The following KCND2 variants were observed in gnomAD, a reference collection of about 807,000 sequenced individuals.
The protein encoded by KCND2 is potassium voltage-gated channel subfamily D member 2, also known as A-type voltage-gated potassium channel KCND2.
A neutral mutation model predicts 54.4 loss-of-function variants in KCND2; 16 were observed. That is an observed-to-expected ratio of 0.29 (90% CI 0.20 to 0.45). The LOEUF is 0.45. KCND2 is among the 20% of genes least tolerant of loss of function. The pLI is 1.00. For missense variants in KCND2, 486 were observed against 824.2 expected, an observed-to-expected ratio of 0.59 and a Z score of 5.02; for synonymous variants, 317 against 310.7, an observed-to-expected ratio of 1.02 and a Z score of -0.21.
intron 1 of KCND2, among the ~76,000 whole-genome samples, chr7:120,489,510 A>C (rs1802745369): frequency 6.6e-6 from 1 of 152,196 alleles, no homozygotes; most frequent in African/African-American, 2.4e-5. Context: ...ACTTTCACAG[A>C]AATCCTGTGT....
chr7:120,326,429 T>C (rs1440365731), intron 1 of KCND2, among the ~76,000 whole-genome samples: 3 of 152,104 alleles, frequency 2.0e-5, no homozygotes, highest in Non-Finnish European at 4.4e-5. Flanking sequence ...ATAATATTCA[T>C]AATAATCTAT....
chr7:120,291,321 CA>C, intron 1 of KCND2, among the ~76,000 whole-genome samples: 1 of 151,896 alleles, frequency 6.6e-6, no homozygotes, highest in East Asian at 1.9e-4. Flanking sequence ...TTGAGCTCCC[CA>C]AAAATCTGTG....
intron 1 of KCND2, among the ~76,000 whole-genome samples, chr7:120,321,948 G>A (rs1183323653): frequency 6.6e-6 from 1 of 152,056 alleles, no homozygotes; most frequent in African/African-American, 2.4e-5. Flanking sequence ...GCTCAGAGAA[G>A]ATGATGTTAA....
intron 1 of KCND2, among the ~76,000 whole-genome samples, chr7:120,600,857 A>C (rs188022245): frequency 6.6e-6 from 1 of 152,090 alleles, no homozygotes. Context: ...AACTCAATGA[A>C]TCAGTAAATC....
chr7:120,555,202 AT>A (rs1264715064), intron 1 of KCND2, among the ~76,000 whole-genome samples: 1 of 152,120 alleles, frequency 6.6e-6, no homozygotes, highest in Non-Finnish European at 1.5e-5. Flanking sequence ...ACCTAGATTA[AT>A]TTTTATAAAC....
intron 1 of KCND2, among the ~76,000 whole-genome samples, chr7:120,380,550 C>G (rs1474604647): frequency 6.6e-6 from 1 of 151,948 alleles, no homozygotes. Context: ...GCTTTTTAAA[C>G]CTAACTCATC....
At chr7:120,304,356 A>C (rs1003470447) in intron 1 of KCND2, among the ~76,000 whole-genome samples, 15 of 152,196 alleles carry the variant, frequency 9.9e-5, no homozygotes, top group African/African-American at 3.1e-4. Context: ...ATGGTTTCTG[A>C]GACAATTTTC....
intron 1 of KCND2, among the ~76,000 whole-genome samples, chr7:120,529,807 G>T (rs990960705): frequency 6.6e-6 from 1 of 152,120 alleles, no homozygotes; most frequent in Admixed American, 6.6e-5. Flanking sequence ...ATCAGGCCAG[G>T]CATGGTGTCT....
chr7:120,732,007 G>A (rs552243117), intron 1 of KCND2, among the ~76,000 whole-genome samples: 2 of 152,184 alleles, frequency 1.3e-5, no homozygotes, highest in African/African-American at 2.4e-5. Context: ...AGGCATCCAG[G>A]GGTAGAAATA....
At chr7:120,546,487 GAA>G (rs1246228498) in intron 1 of KCND2, among the ~76,000 whole-genome samples, 1 of 151,864 alleles carries the variant, frequency 6.6e-6, no homozygotes, top group Non-Finnish European at 1.5e-5. Context: ...TTTGAAATTA[GAA>G]ATCCAAGACT....
chr7:120,315,041 G>T (rs1435504858), intron 1 of KCND2, among the ~76,000 whole-genome samples: 1 of 151,678 alleles, frequency 6.6e-6, no homozygotes, highest in Non-Finnish European at 1.5e-5. Flanking sequence ...ATTGTTGAAA[G>T]ATATATGGAA....
At chr7:120,414,869 C>A (rs1801503598) in intron 1 of KCND2, among the ~76,000 whole-genome samples, 1 of 152,054 alleles carries the variant, frequency 6.6e-6, no homozygotes. Context: ...TCATTAGCTT[C>A]TCTCACCCTT....
intron 1 of KCND2, among the ~76,000 whole-genome samples, chr7:120,683,470 G>A (rs1041057581): frequency 1.3e-5 from 2 of 152,160 alleles, no homozygotes; most frequent in Non-Finnish European, 2.9e-5. Context: ...GATGCTGGTA[G>A]CATTTCTATA....
intron 1 of KCND2, among the ~76,000 whole-genome samples, chr7:120,484,447 T>C (rs1433922089): frequency 6.6e-6 from 1 of 151,634 alleles, no homozygotes; most frequent in African/African-American, 2.4e-5. Context: ...GAGCCTCTGT[T>C]CCTGGCCTCT....
chr7:120,692,239 G>A (rs780728197), intron 1 of KCND2, among the ~76,000 whole-genome samples: 71 of 152,194 alleles, frequency 4.7e-4, no homozygotes, highest in Non-Finnish European at 2.9e-4. Flanking sequence ...TAACATGTTC[G>A]TGCCAATATT....
At chr7:120,331,037 T>G (rs1192221901) in intron 1 of KCND2, among the ~76,000 whole-genome samples, 1 of 152,304 alleles carries the variant, frequency 6.6e-6, no homozygotes, top group Non-Finnish European at 1.5e-5. Flanking sequence ...GTGTGATTCT[T>G]TGTTCTTTCT....
chr7:120,343,097 A>T (rs1375091072), intron 1 of KCND2, among the ~76,000 whole-genome samples: 1 of 152,178 alleles, frequency 6.6e-6, no homozygotes, highest in Non-Finnish European at 1.5e-5. Flanking sequence ...GATGCATAAA[A>T]GATTTAAAAA....
chr7:120,333,031 A>G (rs564764323), intron 1 of KCND2, among the ~76,000 whole-genome samples: 29 of 152,192 alleles, frequency 1.9e-4, no homozygotes, highest in African/African-American at 5.5e-4. Context: ...TTAAGAGTCT[A>G]TGGTATCTTC....
At chr7:120,697,493 G>C (rs1225282641) in intron 1 of KCND2, among the ~76,000 whole-genome samples, 2 of 152,030 alleles carry the variant, frequency 1.3e-5, no homozygotes, top group African/African-American at 4.8e-5. Flanking sequence ...TGCTAAACAG[G>C]ATTTAACAGC....
Sources: gnomAD v4.1 joint callset for allele counts (sites outside exome capture counted in the v4.1 genomes callset) on GRCh38, gnomAD v4.1.1 for gene constraint, MANE v1.5 for transcripts, NCBI Gene and HGNC (gene_info 2026-07-23, HGNC 2026-07-21) for gene names.